RARS2: variants seen among roughly 807,000 people sequenced by gnomAD.
The protein encoded by RARS2 is probable arginine--tRNA ligase, mitochondrial.
A neutral mutation model predicts 88.5 loss-of-function variants in RARS2; 67 were observed. The ratio of observed to expected loss-of-function variants is 0.76; its 90% confidence interval spans 0.62 to 0.93. The LOEUF (loss-of-function observed/expected upper bound fraction) is 0.93. RARS2 is among the 40% of genes least tolerant of loss of function. The pLI, the probability that RARS2 is intolerant of heterozygous loss-of-function variation, is 0.00. For synonymous variants in RARS2, 239 were observed against 230.3 expected, an observed-to-expected ratio of 1.04 and a Z score of -0.34; for missense variants, 664 against 684.2, an observed-to-expected ratio of 0.97 and a Z score of 0.33.
At chr6:87,570,217 G>A (rs1769234309) in intron 1 of RARS2, among the ~76,000 whole-genome samples, 1 of 152,114 alleles carries the variant, frequency 6.6e-6, no homozygotes, top group Admixed American at 6.5e-5. Context: ...TGTTGCCCAG[G>A]CTGGTCTTGA....
intron 5 of RARS2, among the ~76,000 whole-genome samples, chr6:87,550,840 G>A (rs1349818325): frequency 1.4e-5 from 2 of 147,732 alleles, no homozygotes; most frequent in Non-Finnish European, 3.0e-5. Flanking sequence ...TGAAAACAAT[G>A]TAAAATATGT....
At chr6:87,535,041 T>C (rs1462705626) in intron 8 of RARS2, among the ~76,000 whole-genome samples, 7 of 98,422 alleles carry the variant, frequency 7.1e-5, no homozygotes, top group Admixed American at 3.5e-4. Flanking sequence ...CATGATTTAG[T>C]AGGTGGGAAA....
chr6:87,579,104 G>T (rs1424977119), intron 1 of RARS2, among the ~76,000 whole-genome samples: 1 of 151,210 alleles, frequency 6.6e-6, no homozygotes, highest in Admixed American at 6.6e-5. Context: ...TAATTTTCCA[G>T]ATTTTACAGA....
intron 4 of RARS2, among the ~76,000 whole-genome samples, chr6:87,560,710 C>A (rs555537239): frequency 2.0e-5 from 3 of 152,238 alleles, no homozygotes; most frequent in South Asian, 2.1e-4. Flanking sequence ...ACCAGCCTGA[C>A]CAACATGGAG....
intron 1 of RARS2, among the ~76,000 whole-genome samples, chr6:87,588,399 G>A (rs983317462): frequency 2.0e-5 from 3 of 151,830 alleles, no homozygotes; most frequent in African/African-American, 2.4e-5. Flanking sequence ...ACAGGGTCTC[G>A]CTCTGTCACC....
intron 8 of RARS2, among the ~76,000 whole-genome samples, chr6:87,534,801 C>G (rs1778628169): frequency 6.6e-6 from 1 of 152,132 alleles, no homozygotes; most frequent in African/African-American, 2.4e-5. Context: ...TGGGGTGGTG[C>G]AGGCCCACAG....
chr6:87,519,371 C>T, intron 14 of RARS2: 1 of 524,392 alleles, frequency 1.9e-6, no homozygotes, highest in Non-Finnish European at 3.4e-6. Flanking sequence ...GAAAAGAGGA[C>T]CAAGGTTATA....
intron 8 of RARS2, among the ~76,000 whole-genome samples, chr6:87,531,905 T>C (rs1777651708): frequency 6.6e-6 from 1 of 152,226 alleles, no homozygotes; most frequent in Non-Finnish European, 1.5e-5. Flanking sequence ...TTTACTATAT[T>C]ATTTCCAGAA....
At chr6:87,519,436 G>C (rs1773095084) in intron 14 of RARS2, 147 bp downstream of exon 14, 1 of 810,634 alleles carries the variant, frequency 1.2e-6, no homozygotes, top group Admixed American at 2.3e-5. Context: ...AAAAATTCTG[G>C]CACCTCTAAT....
chr6:87,580,807 A>G (rs1393578300), intron 1 of RARS2, among the ~76,000 whole-genome samples: 3 of 152,036 alleles, frequency 2.0e-5, no homozygotes, highest in Admixed American at 2.0e-4. Context: ...GAAGCACTTA[A>G]GGGAATATCA....
intron 15 of RARS2, 26 bp downstream of exon 15, chr6:87,518,798 C>A (rs199584519): frequency 1.2e-6 from 2 of 1,612,904 alleles, no homozygotes; most frequent in East Asian, 2.2e-5. Context: ...AACAAAAGGG[C>A]CTCACAGGTA....
chr6:87,553,479 G>C (rs1227517666), intron 5 of RARS2, among the ~76,000 whole-genome samples: 1 of 152,116 alleles, frequency 6.6e-6, no homozygotes, highest in East Asian at 1.9e-4. Flanking sequence ...TGGGCCATCT[G>C]ATCTGTCGCA....
Position 87,564,122 on chromosome 6 carries a change from T to C in RARS2, c.213+8A>G. On this transcript the variant is annotated splice_region_variant and intron_variant, in intron 3 of 19. Coordinates refer to ENST00000369536, the MANE Select transcript of RARS2 (RefSeq NM_020320.5). ...CAATGTCAAAAAGAGATAATAGTGC[T>C]AACGTACCTTCTCTGCTAGTCTCTT... The C allele has an allele frequency of 1.3e-6, 2 of 1,581,656 alleles. No homozygotes were observed. The highest frequency in any genetic ancestry group is 1.7e-6 in the Non-Finnish European group (2 of 1,150,404).
At position 87,521,496 on chromosome 6, in the gene RARS2, C is replaced by G. The variant is rs1773828184; in HGVS notation, c.1003G>C (p.Asp335His). Residue 335 changes from aspartate (D) to histidine (H), a missense_variant, in exon 12 of 20, where the codon GAC becomes CAC. Asp to His is a moderately conservative substitution (Grantham distance 81). Coordinates refer to ENST00000369536, the MANE Select transcript of RARS2 (RefSeq NM_020320.5). Reference protein sequence around the residue: ...RDLAAAIDRMDKYNFDTMIYV... With the variant: ...RDLAAAIDRMHKYNFDTMIYV... ...ATCATTGTATCAAAATTATACTTGT[C>G]CATTCGATCTATAGCAGCTGCAAGA... 1.9e-6 allele frequency: 3 copies of G among 1,612,086 alleles called. No individual in the cohort carries two copies. In the African/African-American group the frequency reaches 4.0e-5, roughly 22 times the overall value.
chr6:87,521,607 T>C (rs1773875873), intron 11 of RARS2, 83 bp from the exon 12 acceptor site: 3 of 1,035,178 alleles, frequency 2.9e-6, no homozygotes, highest in Non-Finnish European at 4.6e-6. Context: ...GCAATGAGCA[T>C]TTTCTAATTA....
Position 87,530,741 on chromosome 6 carries a change from T to A in RARS2, c.771+43A>T, listed in dbSNP as rs763473352. 6.2e-6 allele frequency: 10 copies of A among 1,601,676 alleles called. No individual in the cohort carries two copies. In the African/African-American group the frequency reaches 1.3e-4, roughly 21 times the overall value. On this transcript the variant is annotated intron_variant, in intron 9 of 19. Coordinates refer to ENST00000369536, the MANE Select transcript of RARS2 (RefSeq NM_020320.5). ...TACTATGCAGGTAACAGCCGAGAGCTGCACTGCATCATGGGAAAGCAGAAG... is the reference window on the plus strand; with the variant it reads ...TACTATGCAGGTAACAGCCGAGAGCAGCACTGCATCATGGGAAAGCAGAAG...
intron 8 of RARS2, among the ~76,000 whole-genome samples, chr6:87,532,159 T>C (rs910099181): frequency 1.3e-5 from 2 of 152,182 alleles, no homozygotes; most frequent in African/African-American, 4.8e-5. Context: ...TCTATGTTAA[T>C]TACTGGAATG....
chr6:87,525,485 A>G (rs1312906363), intron 10 of RARS2, among the ~76,000 whole-genome samples: 1 of 152,230 alleles, frequency 6.6e-6, no homozygotes, highest in Admixed American at 6.5e-5. Flanking sequence ...AACTGTTAGA[A>G]TAAATGAATT....
At chr6:87,522,320 A>G (rs529702506) in intron 11 of RARS2, among the ~76,000 whole-genome samples, 27 of 141,858 alleles carry the variant, frequency 1.9e-4, no homozygotes, top group Admixed American at 6.1e-4. Context: ...ACAGAGCAAG[A>G]CACCGTCTCA....
Sources: allele counts gnomAD v4.1 joint callset (sites outside exome capture counted in the v4.1 genomes callset), GRCh38; gene constraint gnomAD v4.1.1; transcripts MANE v1.5; gene names NCBI Gene and HGNC (gene_info 2026-07-23, HGNC 2026-07-21).